CDK19: variants seen among roughly 807,000 people sequenced by gnomAD.
CDK19 encodes cyclin dependent kinase 19.
A neutral mutation model predicts 68.3 loss-of-function variants in CDK19; 20 were observed. The ratio of observed to expected loss-of-function variants is 0.29; its 90% confidence interval spans 0.21 to 0.43. CDK19 has a LOEUF of 0.43. Among genes scored for constraint, CDK19 ranks in the 20% least tolerant of loss-of-function variants. The probability of loss-of-function intolerance (pLI) is 1.00; values close to 1 mark genes in which losing one functional copy is unlikely to be tolerated. For missense variants in CDK19, 339 were observed against 623.5 expected (o/e 0.54, Z 4.86); for synonymous variants, 221 against 222.8 (o/e 0.99, Z 0.07).
chr6:110,620,071 A>G (rs1771261221), intron 12 of CDK19, among the ~76,000 whole-genome samples: 1 of 152,134 alleles, frequency 6.6e-6, no homozygotes, highest in South Asian at 2.1e-4. Flanking sequence ...TTAGTAGATC[A>G]AACTGAAGCC....
chr6:110,617,088 T>C (rs1778361516), intron 12 of CDK19, among the ~76,000 whole-genome samples: 1 of 152,222 alleles, frequency 6.6e-6, no homozygotes, highest in Non-Finnish European at 1.5e-5. Flanking sequence ...CTGACCTTTT[T>C]GTGCCCTCTT....
At chr6:110,668,053 A>G (rs1476080678) in intron 3 of CDK19, among the ~76,000 whole-genome samples, 2 of 152,214 alleles carry the variant, frequency 1.3e-5, no homozygotes, top group Non-Finnish European at 2.9e-5. Flanking sequence ...CCTAGGAGTT[A>G]ATGTTAAATA....
Position 110,806,482 on chromosome 6 carries a change from A to T in CDK19, c.128+8527T>A, listed in dbSNP as rs188421260. On this transcript the variant is annotated intron_variant, in intron 1 of 12. Coordinates refer to ENST00000368911, the MANE Select transcript of CDK19 (RefSeq NM_015076.5). ...TCCAAGCCATTACTTCCAAAGGTAA[A>T]CAGCTTCTAGGACTTTAACTTACAG... Among the ~76,000 whole-genome samples the T allele has an allele frequency of 2.6e-4, 39 of 152,308 alleles. 1 individual carries two copies. Among genetic ancestry groups the T allele is most frequent in the African/African-American group, 9.4e-4 (39 of 41,564 alleles).
chr6:110,708,143 T>C (rs1363841254), intron 2 of CDK19, among the ~76,000 whole-genome samples: 1 of 152,198 alleles, frequency 6.6e-6, no homozygotes, highest in Non-Finnish European at 1.5e-5. Flanking sequence ...ATTCAGTTTC[T>C]AGCTACATTT....
chr6:110,705,871 T>C (rs1177117874), intron 2 of CDK19, among the ~76,000 whole-genome samples: 4 of 152,080 alleles, frequency 2.6e-5, no homozygotes, highest in Admixed American at 6.6e-5. Flanking sequence ...GGAGCAGGGA[T>C]AGCATTAGGA....
intron 1 of CDK19, among the ~76,000 whole-genome samples, chr6:110,760,736 C>A (rs1779174794): frequency 6.6e-6 from 1 of 152,136 alleles, no homozygotes; most frequent in Non-Finnish European, 1.5e-5. Context: ...TCAAAGCATA[C>A]AAAACTCTTA....
chr6:110,651,159 T>C (rs1175120098), intron 4 of CDK19, among the ~76,000 whole-genome samples: 1 of 152,210 alleles, frequency 6.6e-6, no homozygotes, highest in African/African-American at 2.4e-5. Context: ...GGGTTTTACA[T>C]GACTAGAATT....
At chr6:110,699,932 G>T (rs1046111586) in intron 2 of CDK19, among the ~76,000 whole-genome samples, 58 of 152,322 alleles carry the variant, frequency 3.8e-4, no homozygotes, top group African/African-American at 1.4e-3. Context: ...CTGGCTCATG[G>T]CCTGTTAGGA....
intron 4 of CDK19, among the ~76,000 whole-genome samples, chr6:110,661,026 C>T (rs1176649010): frequency 1.3e-5 from 2 of 152,192 alleles, no homozygotes; most frequent in African/African-American, 2.4e-5. Context: ...CTGGTATACA[C>T]ACTATTGTGT....
intron 1 of CDK19, among the ~76,000 whole-genome samples, chr6:110,783,977 T>C (rs1781012126): frequency 1.3e-5 from 2 of 151,770 alleles, no homozygotes; most frequent in Admixed American, 6.6e-5. Context: ...CTGGCCAACA[T>C]GGTGAAACCC....
intron 2 of CDK19, among the ~76,000 whole-genome samples, chr6:110,697,243 TTAAA>T (rs1013116020): frequency 4.0e-5 from 6 of 150,990 alleles, no homozygotes; most frequent in Non-Finnish European, 8.9e-5. Flanking sequence ...AATAAATAAA[TTAAA>T]TAAATATAAA....
At chr6:110,647,238 C>G (rs563998222) in intron 4 of CDK19, among the ~76,000 whole-genome samples, 9 of 152,224 alleles carry the variant, frequency 5.9e-5, no homozygotes, top group Admixed American at 1.3e-4. Context: ...CTCCTTGCAC[C>G]CCAGCCTTGT....
intron 1 of CDK19, among the ~76,000 whole-genome samples, chr6:110,766,648 A>G (rs1279902199): frequency 6.6e-6 from 1 of 152,218 alleles, no homozygotes; most frequent in African/African-American, 2.4e-5. Context: ...TATTTTAAGT[A>G]AAATATGCAA....
At chr6:110,653,757 T>C (rs1436452695) in intron 4 of CDK19, among the ~76,000 whole-genome samples, 1 of 152,240 alleles carries the variant, frequency 6.6e-6, no homozygotes, top group Non-Finnish European at 1.5e-5. Context: ...ATCTGCATTT[T>C]AGCAGAATTT....
intron 1 of CDK19, among the ~76,000 whole-genome samples, chr6:110,807,175 C>T (rs1250890194): frequency 6.6e-6 from 1 of 151,090 alleles, no homozygotes; most frequent in East Asian, 1.9e-4. Flanking sequence ...GGGCATGGCC[C>T]ACATCTGTAG....
At chr6:110,762,097 C>T (rs556006820) in intron 1 of CDK19, among the ~76,000 whole-genome samples, 2 of 152,170 alleles carry the variant, frequency 1.3e-5, no homozygotes, top group East Asian at 3.9e-4. Context: ...ATACCCAATA[C>T]CCCATAAGCA....
chr6:110,733,015 C>G (rs527780008), intron 2 of CDK19, among the ~76,000 whole-genome samples: 2 of 152,146 alleles, frequency 1.3e-5, no homozygotes, highest in Non-Finnish European at 2.9e-5. Context: ...TTGCAGTGAG[C>G]TGAGATGGCG....
chr6:110,806,402 C>T lies in CDK19; in HGVS notation c.128+8607G>A, dbSNP rs183709091. On this transcript the variant is annotated intron_variant, in intron 1 of 12. Transcript: ENST00000368911. ...ACTTCCTTATTCTTAGCCAACCCCC[C>T]CATCTCCAGTCTTCAGATATTTCTA... is the stretch of plus-strand genomic sequence containing the variant. 6.6e-5 allele frequency among the ~76,000 whole-genome samples: 10 copies of T among 152,220 alleles called. No individual in the cohort carries two copies. In the East Asian group the frequency reaches 1.9e-3, roughly 29 times the overall value.
At chr6:110,777,247 G>A (rs748938213) in intron 1 of CDK19, among the ~76,000 whole-genome samples, 3 of 152,062 alleles carry the variant, frequency 2.0e-5, no homozygotes, top group Non-Finnish European at 4.4e-5. Context: ...AAAAGAATTA[G>A]AACTTTTTCA....
Sources: allele counts gnomAD v4.1 joint callset (sites outside exome capture counted in the v4.1 genomes callset), GRCh38; gene constraint gnomAD v4.1.1; transcripts MANE v1.5; gene names NCBI Gene and HGNC (gene_info 2026-07-23, HGNC 2026-07-21).